CLMP: variants seen among roughly 807,000 people sequenced by gnomAD.
CLMP encodes the protein CXADR-like membrane protein.
In CLMP, 27 loss-of-function variants were observed where a neutral mutation model predicts 45.2. The ratio of observed to expected loss-of-function variants is 0.60; its 90% CI spans 0.44 to 0.82. CLMP has a LOEUF of 0.82. CLMP is among the 40% of genes least tolerant of loss of function. The pLI is 0.00. For synonymous variants in CLMP, 167 were observed against 171.4 expected (o/e 0.97, Z 0.20); for missense variants, 403 against 448.4 (o/e 0.90, Z 0.91).
intron 1 of CLMP, among the ~76,000 whole-genome samples, chr11:123,181,953 G>A (rs904556534): frequency 3.3e-5 from 5 of 152,170 alleles, no homozygotes; most frequent in African/African-American, 1.2e-4. Flanking sequence ...TCCCTACTGG[G>A]CATGTGACTT....
At chr11:123,096,552 C>A (rs1865991989) in intron 2 of CLMP, among the ~76,000 whole-genome samples, 1 of 152,062 alleles carries the variant, frequency 6.6e-6, no homozygotes, top group Non-Finnish European at 1.5e-5. Context: ...AATCAATAAA[C>A]CTACTCAGGT....
At chr11:123,190,351 A>T (rs1243324031) in intron 1 of CLMP, among the ~76,000 whole-genome samples, 1 of 152,214 alleles carries the variant, frequency 6.6e-6, no homozygotes, top group Non-Finnish European at 1.5e-5. Flanking sequence ...ATCAATAAGC[A>T]GGGTAACACC....
chr11:123,185,212 G>A (rs1294259221), intron 1 of CLMP, among the ~76,000 whole-genome samples: 1 of 152,178 alleles, frequency 6.6e-6, no homozygotes, highest in Non-Finnish European at 1.5e-5. Flanking sequence ...GCTTTCAGGA[G>A]TGGGTGCCTC....
intron 1 of CLMP, among the ~76,000 whole-genome samples, chr11:123,121,126 CAAA>C (rs760887619): frequency 1.4e-4 from 9 of 65,328 alleles, no homozygotes; most frequent in South Asian, 6.2e-4. Flanking sequence ...GACTCCGTCT[CAAA>C]AAAAAAAAAA....
At chr11:123,133,218 C>A (rs1861017910) in intron 1 of CLMP, among the ~76,000 whole-genome samples, 1 of 152,110 alleles carries the variant, frequency 6.6e-6, no homozygotes, top group Admixed American at 6.6e-5. Context: ...CGTAATGGAG[C>A]AAAATCAGAA....
At chr11:123,122,189 T>A (rs553073406) in intron 1 of CLMP, among the ~76,000 whole-genome samples, 3 of 152,322 alleles carry the variant, frequency 2.0e-5, no homozygotes, top group South Asian at 4.1e-4. Flanking sequence ...TTTTATTTTT[T>A]AATTTTTTTA....
At chr11:123,091,016 C>A (rs75487045) in intron 2 of CLMP, among the ~76,000 whole-genome samples, 1 of 152,132 alleles carries the variant, frequency 6.6e-6, no homozygotes, top group Non-Finnish European at 1.5e-5. Context: ...GATTAAACTG[C>A]GAGGGTCCCA....
chr11:123,097,981 T>C, intron 1 of CLMP, 29 bp from the exon 2 acceptor site: 3 of 1,489,098 alleles, frequency 2.0e-6, no homozygotes, highest in Non-Finnish European at 2.7e-6. Flanking sequence ...TAATGAGTAA[T>C]GCAGAGACTG....
At chr11:123,144,905 C>G (rs1487774385) in intron 1 of CLMP, among the ~76,000 whole-genome samples, 1 of 152,228 alleles carries the variant, frequency 6.6e-6, no homozygotes, top group East Asian at 1.9e-4. Flanking sequence ...GACTTTCCTG[C>G]TGTCCCGGTT....
intron 1 of CLMP, among the ~76,000 whole-genome samples, chr11:123,110,207 G>A (rs1860619292): frequency 2.6e-5 from 4 of 152,090 alleles, no homozygotes; most frequent in Non-Finnish European, 5.9e-5. Context: ...TGTAATCCCA[G>A]CACTTTGGGG....
chr11:123,190,959 T>A (rs750047073), intron 1 of CLMP, among the ~76,000 whole-genome samples: 6 of 152,222 alleles, frequency 3.9e-5, no homozygotes, highest in Non-Finnish European at 8.8e-5. Flanking sequence ...CTCTGAACTT[T>A]GGTTTCTTCT....
At chr11:123,119,966 T>C (rs1428342142) in intron 1 of CLMP, among the ~76,000 whole-genome samples, 2 of 152,190 alleles carry the variant, frequency 1.3e-5, no homozygotes, top group African/African-American at 4.8e-5. Context: ...GAATTACAGG[T>C]GTGAGCCACC....
At chr11:123,110,224 G>A (rs1397942008) in intron 1 of CLMP, among the ~76,000 whole-genome samples, 1 of 152,104 alleles carries the variant, frequency 6.6e-6, no homozygotes. Flanking sequence ...GGGGGGCTGA[G>A]GTGGGCAGAT....
chr11:123,134,289 A>G (rs923191798), intron 1 of CLMP, among the ~76,000 whole-genome samples: 1 of 151,826 alleles, frequency 6.6e-6, no homozygotes, highest in African/African-American at 2.4e-5. Context: ...TTCTCTTATT[A>G]ATCTGTCTTT....
At chr11:123,168,104 A>G (rs1367554730) in intron 1 of CLMP, among the ~76,000 whole-genome samples, 1 of 152,208 alleles carries the variant, frequency 6.6e-6, no homozygotes, top group Non-Finnish European at 1.5e-5. Flanking sequence ...TGTCCTAAGA[A>G]TCTGAGCTGA....
intron 1 of CLMP, among the ~76,000 whole-genome samples, chr11:123,142,993 A>T (rs1861187192): frequency 2.6e-5 from 4 of 152,184 alleles, no homozygotes; most frequent in Admixed American, 2.6e-4. Flanking sequence ...TTGCCAGGCC[A>T]AAGTCTCATG....
chr11:123,110,135 A>AG (rs982567162), intron 1 of CLMP, among the ~76,000 whole-genome samples: 3 of 152,082 alleles, frequency 2.0e-5, no homozygotes, highest in Non-Finnish European at 4.4e-5. Flanking sequence ...ATCCCTCCAA[A>AG]GGGGATATTT....
intron 1 of CLMP, among the ~76,000 whole-genome samples, chr11:123,098,233 C>T (rs1214919619): frequency 6.8e-6 from 1 of 148,108 alleles, no homozygotes; most frequent in Non-Finnish European, 1.5e-5. Flanking sequence ...CTCATGTTAA[C>T]TTTTTTTTTT....
At chr11:123,085,213 G>GA (rs1865849990) in intron 2 of CLMP, among the ~76,000 whole-genome samples, 1 of 148,238 alleles carries the variant, frequency 6.7e-6, no homozygotes, top group Non-Finnish European at 1.5e-5. Context: ...GTATTTGAGA[G>GA]ACTTCTATGA....
Sources: allele counts gnomAD v4.1 joint callset (sites outside exome capture counted in the v4.1 genomes callset), GRCh38; gene constraint gnomAD v4.1.1; transcripts MANE v1.5; gene names NCBI Gene and HGNC (gene_info 2026-07-23, HGNC 2026-07-21).